The following GALNT8 variants were observed in gnomAD, a reference collection of about 807,000 sequenced individuals.
GALNT8 encodes the protein probable polypeptide N-acetylgalactosaminyltransferase 8.
Under a neutral mutation model 62.7 loss-of-function variants are expected in GALNT8, and 66 were observed. The observed-to-expected ratio is 1.05, with a 90% CI of 0.86 to 1.29. The LOEUF is 1.29. Ranked by LOEUF, GALNT8 falls within the 50% of genes most tolerant of loss-of-function variation. The pLI, the probability that GALNT8 is intolerant of heterozygous loss-of-function variation, is 0.00. For synonymous variants in GALNT8, 288 were observed against 294.3 expected (o/e 0.98, Z 0.22); for missense variants, 771 against 791.8 (o/e 0.97, Z 0.32).
chr12:4,746,078 G>T, intron 5 of GALNT8, 66 bp from the exon 6 acceptor site: 1 of 880,982 alleles, frequency 1.1e-6, no homozygotes, highest in South Asian at 1.4e-5. Flanking sequence ...AATAATCATT[G>T]AGCATCCCAC....
rs759754741 is a variant in GALNT8 at position 4,765,528 on chromosome 12, A to G, written c.1743A>G (p.Ile581Met). ...CSKAAKNRLH[I>M]YWDFKPGGAV... ...AGGCAGCTAAGAATAGACTGCATATATATTGGGATTTTAAACCGGTGAGTT... is the reference window on the plus strand; with the variant it reads ...AGGCAGCTAAGAATAGACTGCATATGTATTGGGATTTTAAACCGGTGAGTT... The change falls in exon 10 of 11, where the codon ATA becomes ATG. Residue 581 changes from isoleucine (I) to methionine (M), a missense_variant. Coordinates refer to ENST00000252318, the MANE Select transcript of GALNT8 (RefSeq NM_017417.2). 1.9e-6 allele frequency: 3 copies of G among 1,600,544 alleles called. No individual in the cohort carries two copies.
Position 4,744,709 on chromosome 12 carries a change from CA to C in GALNT8, c.860+12del. ...GAAGTCAATGTTGGGTGGTAAGGCT[CA>C]AAGAGGCTAGTTCTTCTGGAAAGGG... On this transcript the variant is annotated intron_variant, in intron 4 of 10. Coordinates refer to ENST00000252318, the MANE Select transcript of GALNT8 (RefSeq NM_017417.2). 5 of 1,593,192 alleles carry C rather than the reference CA, an allele frequency of 3.1e-6. No individual in the cohort carries two copies. The highest frequency in any genetic ancestry group is 4.3e-6 in the Non-Finnish European group (5 of 1,165,162).
intron 1 of GALNT8, 78 bp downstream of exon 1, chr12:4,720,966 A>G (rs1189071365): frequency 3.5e-6 from 3 of 859,828 alleles, no homozygotes; most frequent in African/African-American, 3.3e-5. Flanking sequence ...GGGATATGGA[A>G]GGAAAAATGG....
At chr12:4,735,851 C>T (rs973913856) in intron 2 of GALNT8, among the ~76,000 whole-genome samples, 5 of 152,026 alleles carry the variant, frequency 3.3e-5, no homozygotes, top group Non-Finnish European at 5.9e-5. Context: ...AAGTTCTGTT[C>T]GGAGGAAAGG....
In GALNT8 at chr12:4,749,512, G is replaced by A. The variant is rs1471680370; in HGVS notation, c.1173+3254G>A. Among the ~76,000 whole-genome samples, 2 of 152,020 alleles carry A rather than the reference G, an allele frequency of 1.3e-5. No individual in the cohort carries two copies. Among genetic ancestry groups the A allele is most frequent in the African/African-American group, 4.8e-5 (2 of 41,396 alleles). ...GCATCCCAGGGATAAATCCCACTTG[G>A]TCATAATGAATGACCTTTCTAATGT... On this transcript the variant is annotated intron_variant, in intron 6 of 10. Coordinates refer to ENST00000252318, the MANE Select transcript of GALNT8 (RefSeq NM_017417.2). The surrounding 1 kb of genome is among the most constrained non-coding windows in gnomAD (Gnocchi z 4.1).
chr12:4,766,862 A>T (rs1946402388), intron 10 of GALNT8, among the ~76,000 whole-genome samples: 1 of 151,876 alleles, frequency 6.6e-6, no homozygotes, highest in South Asian at 2.1e-4. Flanking sequence ...CTAGCTATGG[A>T]GTCTCTCTCC....
chr12:4,724,849 C>G (rs1267366031), intron 1 of GALNT8, among the ~76,000 whole-genome samples: 1 of 152,210 alleles, frequency 6.6e-6, no homozygotes. Flanking sequence ...CAGGACTCCC[C>G]TGCTTCCCTC....
At chr12:4,742,572 C>A (rs1001137851) in intron 3 of GALNT8, among the ~76,000 whole-genome samples, 19 of 152,180 alleles carry the variant, frequency 1.2e-4, no homozygotes, top group African/African-American at 4.6e-4. Context: ...CGTGACAAAC[C>A]GAGTGAACCG....
chr12:4,733,537 A>G (rs1946230009), intron 2 of GALNT8, among the ~76,000 whole-genome samples: 2 of 152,218 alleles, frequency 1.3e-5, no homozygotes, highest in African/African-American at 4.8e-5. Context: ...GATTAGAGGA[A>G]AGAGAAGTTC....
At chr12:4,724,063 G>T (rs1325267435) in intron 1 of GALNT8, among the ~76,000 whole-genome samples, 1 of 150,268 alleles carries the variant, frequency 6.7e-6, no homozygotes, top group African/African-American at 2.5e-5. Context: ...GCAGGAGAAT[G>T]GCGTGAATCT....
chr12:4,741,163 T>C (rs949828379), intron 3 of GALNT8, among the ~76,000 whole-genome samples: 4 of 152,206 alleles, frequency 2.6e-5, no homozygotes, highest in African/African-American at 7.2e-5. Context: ...TTATTGTACC[T>C]TCCTGAGAGA....
At chr12:4,721,958 AACGAGCAT>A (rs1416516379) in intron 1 of GALNT8, among the ~76,000 whole-genome samples, 1 of 152,136 alleles carries the variant, frequency 6.6e-6, no homozygotes, top group Non-Finnish European at 1.5e-5. Flanking sequence ...GATGACTCTT[AACGAGCAT>A]GCTGCCTTCA....
At position 4,758,928 on chromosome 12, in the gene GALNT8, A is replaced by G. The variant is rs1036795604; in HGVS notation, c.1174-2030A>G. On this transcript the variant is annotated intron_variant, in intron 6 of 10. Coordinates refer to ENST00000252318, the MANE Select transcript of GALNT8 (RefSeq NM_017417.2). ...GTAGCTGGAATTACAGGTGTGCACC[A>G]CCACACCAGGCTAATTTTTGTATTT... Among the ~76,000 whole-genome samples, 21 of 152,112 alleles carry G rather than the reference A, an allele frequency of 1.4e-4. No individual in the cohort carries two copies. The South Asian group carries it at 3.3e-3, about 24-fold the overall frequency.
At chr12:4,744,290 A>T (rs943053320) in intron 3 of GALNT8, among the ~76,000 whole-genome samples, 1 of 152,200 alleles carries the variant, frequency 6.6e-6, no homozygotes, top group African/African-American at 2.4e-5. Flanking sequence ...ATTTTAAGAT[A>T]GTTTAACTGT....
intron 10 of GALNT8, among the ~76,000 whole-genome samples, chr12:4,766,050 T>G (rs1031225984): frequency 1.3e-5 from 2 of 152,324 alleles, no homozygotes; most frequent in South Asian, 4.1e-4. Flanking sequence ...GGATTACAGG[T>G]GTGAGCCACT....
intron 6 of GALNT8, among the ~76,000 whole-genome samples, chr12:4,757,559 G>A (rs1946350724): frequency 6.6e-6 from 1 of 152,182 alleles, no homozygotes; most frequent in Non-Finnish European, 1.5e-5. Flanking sequence ...ATTCTAGCCA[G>A]TAGGAAGATA....
chr12:4,756,319 GA>G (rs1396714940), intron 6 of GALNT8, among the ~76,000 whole-genome samples: 16 of 152,168 alleles, frequency 1.1e-4, no homozygotes, highest in African/African-American at 3.9e-4. Flanking sequence ...AGGTGTTGGA[GA>G]CAGACAGACT....
intron 1 of GALNT8, among the ~76,000 whole-genome samples, chr12:4,723,571 A>T (rs913268639): frequency 6.6e-6 from 1 of 152,216 alleles, no homozygotes; most frequent in Non-Finnish European, 1.5e-5. Flanking sequence ...ACAATGTGCC[A>T]TGAGGAGCCA....
intron 6 of GALNT8, among the ~76,000 whole-genome samples, chr12:4,746,623 G>A (rs541463959): frequency 2.0e-5 from 3 of 152,278 alleles, no homozygotes; most frequent in East Asian, 1.9e-4. Context: ...AGTGGGCAGC[G>A]TGACTAGGGA....
Sources: allele counts gnomAD v4.1 joint callset (sites outside exome capture counted in the v4.1 genomes callset), GRCh38; gene constraint gnomAD v4.1.1; non-coding constraint Gnocchi (gnomAD v3.1); transcripts MANE v1.5; gene names NCBI Gene and HGNC (gene_info 2026-07-23, HGNC 2026-07-21).